RAB3D: variants seen among roughly 807,000 people sequenced by gnomAD.
RAB3D encodes ras-related protein Rab-3D.
A neutral mutation model predicts 19.3 loss-of-function variants in RAB3D; 17 were observed. That is an observed-to-expected ratio of 0.88 (90% CI 0.60 to 1.32). The LOEUF (loss-of-function observed/expected upper bound fraction) is 1.32, where lower values mean the gene tolerates loss of function less well. Ranked by LOEUF, RAB3D falls within the 40% of genes most tolerant of loss-of-function variation. The probability of loss-of-function intolerance (pLI) is 0.00; values close to 1 mark genes in which losing one functional copy is unlikely to be tolerated. For missense variants in RAB3D, 223 were observed against 299.1 expected, an observed-to-expected ratio of 0.75 and a Z score of 1.88; for synonymous variants, 103 against 119.9, an observed-to-expected ratio of 0.86 and a Z score of 0.92.
At chr19:11,331,370 T>C (rs190062786) in intron 4 of RAB3D, among the ~76,000 whole-genome samples, 3 of 151,718 alleles carry the variant, frequency 2.0e-5, no homozygotes, top group Non-Finnish European at 2.9e-5. Context: ...TTGAATTTCA[T>C]ATAAATTTCC....
chr19:11,337,627 T>G (rs528191740), intron 1 of RAB3D, among the ~76,000 whole-genome samples, 167 bp from the exon 2 acceptor site: 68 of 152,108 alleles, frequency 4.5e-4, no homozygotes, highest in Non-Finnish European at 8.7e-4. Flanking sequence ...AGTCCCTTCC[T>G]GAAAGAGTAG....
chr19:11,328,899 G>A (rs147778736), intron 4 of RAB3D, among the ~76,000 whole-genome samples: 62 of 150,436 alleles, frequency 4.1e-4, no homozygotes, highest in African/African-American at 1.4e-3. Context: ...TACTGTTGGC[G>A]TTTTGCTATT....
At chr19:11,335,616 GT>G in intron 3 of RAB3D, 45 bp from the exon 4 acceptor site, 1 of 1,613,896 alleles carries the variant, frequency 6.2e-7, no homozygotes. Flanking sequence ...GGGGTTAGGG[GT>G]CAGAGGAGAG....
chr19:11,330,957 T>C (rs563281161), intron 4 of RAB3D, among the ~76,000 whole-genome samples: 5 of 150,968 alleles, frequency 3.3e-5, no homozygotes, highest in East Asian at 2.0e-4. Context: ...TGGAGGCTGC[T>C]TTGAGTTATG....
intron 2 of RAB3D, 105 bp downstream of exon 2, chr19:11,337,067 C>T: frequency 1.0e-6 from 1 of 980,900 alleles, no homozygotes; most frequent in Middle Eastern, 2.6e-4. Context: ...GCCCTCCAGC[C>T]TGGGCAACAG....
chr19:11,337,342 C>T lies in RAB3D; in HGVS notation c.58G>A (p.Asp20Asn), dbSNP rs144965675. 1.5e-5 allele frequency: 25 copies of T among 1,614,040 alleles called. No individual in the cohort carries two copies. The highest frequency in any genetic ancestry group is 8.8e-5 in the South Asian group (8 of 91,084). ...ATCAGTAGCAGTTTGAACATATAGT[C>T]GAAGTTCTGATCTGCTGCATCCCGT... Reference protein sequence around the residue: ...GPRDAADQNFDYMFKLLLIGN... With the variant: ...GPRDAADQNFNYMFKLLLIGN... Residue 20 changes from aspartate to asparagine, a missense_variant, in exon 2 of 5, where the codon GAC becomes AAC. By Grantham distance (23) the Asp-to-Asn change is conservative. Transcript: ENST00000222120.
At chr19:11,332,135 T>G (rs448743) in intron 4 of RAB3D, among the ~76,000 whole-genome samples, 1 of 152,066 alleles carries the variant, frequency 6.6e-6, no homozygotes, top group African/African-American at 2.4e-5. Flanking sequence ...TGGGTTCAAG[T>G]GATTCTCCTC....
intron 4 of RAB3D, among the ~76,000 whole-genome samples, 163 bp downstream of exon 4, chr19:11,335,284 G>A (rs963065276): frequency 1.4e-4 from 22 of 152,206 alleles, no homozygotes; most frequent in African/African-American, 4.1e-4. Flanking sequence ...GAGTTCCTGC[G>A]CGTGGATCCC....
intron 4 of RAB3D, among the ~76,000 whole-genome samples, chr19:11,335,171 C>A (rs113056690): frequency 2.0e-5 from 3 of 152,236 alleles, no homozygotes; most frequent in African/African-American, 7.2e-5. Context: ...AATACTACTA[C>A]TACACTCCAC....
At chr19:11,329,745 G>A (rs918703483) in intron 4 of RAB3D, among the ~76,000 whole-genome samples, 11 of 151,354 alleles carry the variant, frequency 7.3e-5, no homozygotes, top group African/African-American at 2.4e-4. Flanking sequence ...GCAATGGCGC[G>A]ATCTTGGCTC....
At chr19:11,332,780 C>T (rs1054641347) in intron 4 of RAB3D, among the ~76,000 whole-genome samples, 2 of 151,484 alleles carry the variant, frequency 1.3e-5, no homozygotes, top group African/African-American at 4.9e-5. Context: ...CATTCCTGGC[C>T]AAAGTTATTT....
chr19:11,328,750 G>C (rs1223255633), intron 4 of RAB3D, among the ~76,000 whole-genome samples: 1 of 151,838 alleles, frequency 6.6e-6, no homozygotes, highest in Non-Finnish European at 1.5e-5. Context: ...CAGGGAAGTT[G>C]AGGCTGCAGT....
chr19:11,338,550 T>C (rs1054055519), intron 1 of RAB3D, among the ~76,000 whole-genome samples: 1 of 152,056 alleles, frequency 6.6e-6, no homozygotes, highest in Non-Finnish European at 1.5e-5. Context: ...GGGTTTTCTA[T>C]GTACAGGGCC....
intron 4 of RAB3D, 92 bp downstream of exon 4, chr19:11,335,355 G>C (rs112354933): frequency 0.033 from 50,191 of 1,540,268 alleles, 933 homozygotes; most frequent in Middle Eastern, 0.052. Context: ...ATCCTCAAAG[G>C]ATCAGTGACT....
chr19:11,334,583 G>A (rs1762308838), intron 4 of RAB3D, among the ~76,000 whole-genome samples: 2 of 152,058 alleles, frequency 1.3e-5, no homozygotes, highest in South Asian at 4.1e-4. Context: ...AAGGTCAGGA[G>A]TTCGAGGCCA....
chr19:11,335,835 C>G, intron 2 of RAB3D, 52 bp from the exon 3 acceptor site: 2 of 1,545,590 alleles, frequency 1.3e-6, no homozygotes, highest in Non-Finnish European at 1.8e-6. Flanking sequence ...TCCCAGTCCA[C>G]CCCTGTCTTA....
intron 4 of RAB3D, among the ~76,000 whole-genome samples, chr19:11,334,443 T>C (rs1206359838): frequency 6.6e-6 from 1 of 152,042 alleles, no homozygotes; most frequent in East Asian, 1.9e-4. Flanking sequence ...CACTCTAGCC[T>C]GGGCAACAGA....
rs1568298792 is a variant in RAB3D, at chr19:11,325,248, T to C, written c.*150A>G. On this transcript the variant is annotated 3_prime_UTR_variant, in exon 5 of 5. Coordinates refer to ENST00000222120, the MANE Select transcript of RAB3D (RefSeq NM_004283.4). ...GAGGAACCTGGCAGCCACGGCGACA[T>C]TGTGAAGGAATGAGCCATGCAGGAG... 18 of 591,350 alleles carry C rather than the reference T, an allele frequency of 3.0e-5. No individual in the cohort carries two copies. The highest frequency in any genetic ancestry group is 5.6e-5 in the African/African-American group (3 of 53,322). The allele number at this position is 591,350 out of a possible 1,614,324, so 36.6% of individuals were successfully genotyped here. A position where few individuals can be genotyped will look rare whatever the true frequency, so the allele number is the denominator to read the frequency against.
Position 11,325,253 on chromosome 19 carries a change from A to C in RAB3D, c.*145T>G, listed in dbSNP as rs576246668. On this transcript the variant is annotated 3_prime_UTR_variant, in exon 5 of 5. Transcript: ENST00000222120. Reference sequence around the variant, plus strand: ...ACCTGGCAGCCACGGCGACATTGTGAAGGAATGAGCCATGCAGGAGTCGGG... The same window carrying C: ...ACCTGGCAGCCACGGCGACATTGTGCAGGAATGAGCCATGCAGGAGTCGGG... 8.6e-5 allele frequency: 52 copies of C among 607,654 alleles called. 1 individual carries two copies. The South Asian group carries it at 1.0e-3, about 12-fold the overall frequency. The allele number at this position is 607,654 out of a possible 1,614,324, so 37.6% of individuals were successfully genotyped here. A position where few individuals can be genotyped will look rare whatever the true frequency, so the allele number is the denominator to read the frequency against.
Sources: allele counts gnomAD v4.1 joint callset (sites outside exome capture counted in the v4.1 genomes callset), GRCh38; gene constraint gnomAD v4.1.1; transcripts MANE v1.5; gene names NCBI Gene and HGNC (gene_info 2026-07-23, HGNC 2026-07-21).